The following OPCML variants were observed in gnomAD, a reference collection of about 807,000 sequenced individuals.
OPCML encodes opioid-binding protein/cell adhesion molecule.
In OPCML, 13 loss-of-function variants were observed where a neutral mutation model predicts 37.8. The observed-to-expected ratio is 0.34, with a 90% CI of 0.22 to 0.55. The LOEUF (loss-of-function observed/expected upper bound fraction) is 0.55, where lower values mean the gene tolerates loss of function less well. Ranked by LOEUF, OPCML falls within the 20% of genes least tolerant of loss-of-function variation. The pLI is 0.91. For missense variants in OPCML, 341 were observed against 435.6 expected (o/e 0.78, Z 1.93); for synonymous variants, 176 against 168.8 (o/e 1.04, Z -0.33).
intron 2 of OPCML, among the ~76,000 whole-genome samples, chr11:132,904,948 AC>A (rs1399395064): frequency 2.6e-5 from 4 of 152,220 alleles, no homozygotes; most frequent in African/African-American, 9.7e-5. Context: ...CAGAGACCCC[AC>A]AGAGTTGCAG....
chr11:132,450,433 G>A (rs111875595), intron 4 of OPCML, among the ~76,000 whole-genome samples: 3 of 152,208 alleles, frequency 2.0e-5, no homozygotes, highest in African/African-American at 7.2e-5. Flanking sequence ...CATATGGGGC[G>A]GGTGCTGGAG....
intron 3 of OPCML, among the ~76,000 whole-genome samples, chr11:132,579,689 A>G (rs765282058): frequency 1.3e-5 from 2 of 152,144 alleles, no homozygotes; most frequent in Non-Finnish European, 2.9e-5. Context: ...ACAGTGGCAC[A>G]TGGGGACAAG....
Position 132,552,411 on chromosome 11 carries a change from C to G in OPCML, c.380-23225G>C, listed in dbSNP as rs1309433337. ...GATCCCTCTTTCCTTCTCCAGTGTT[C>G]CCCATATTTATCTGTAGGTTGGTAC... On this transcript the variant is annotated intron_variant, in intron 3 of 7. Coordinates refer to ENST00000524381, the MANE Select transcript of OPCML (RefSeq NM_001012393.5). Among the ~76,000 whole-genome samples the G allele has an allele frequency of 2.6e-5, 4 of 152,256 alleles. No individual in the cohort carries two copies. In the East Asian group the frequency reaches 7.7e-4, roughly 29 times the overall value.
At chr11:133,051,647 G>A (rs768533489) in intron 1 of OPCML, among the ~76,000 whole-genome samples, 2 of 152,092 alleles carry the variant, frequency 1.3e-5, no homozygotes, top group Non-Finnish European at 2.9e-5. Context: ...GCATCATGTC[G>A]ACATAGGACA....
chr11:132,887,829 T>C (rs1240328539), intron 2 of OPCML, among the ~76,000 whole-genome samples: 7 of 152,230 alleles, frequency 4.6e-5, no homozygotes, highest in African/African-American at 1.7e-4. Flanking sequence ...CTACTACGCT[T>C]AGCTTTCTAT....
At position 133,174,104 on chromosome 11, in the gene OPCML, G is replaced by A. The variant is rs990921707; in HGVS notation, c.62-231094C>T. 1.3e-5 allele frequency among the ~76,000 whole-genome samples: 2 copies of A among 152,234 alleles called. No homozygotes were observed. Among genetic ancestry groups the A allele is most frequent in the Non-Finnish European group, 2.9e-5 (2 of 68,036 alleles). On this transcript the variant is annotated intron_variant, in intron 1 of 7. Coordinates refer to ENST00000524381, the MANE Select transcript of OPCML (RefSeq NM_001012393.5). This position sits in a 1 kb window ranked among gnomAD's most constrained non-coding sequence, Gnocchi z 4.6. Reference sequence around the variant, plus strand: ...GAGATGCCTCGTTTGATTAATTTATGTCAGCGTTTTCTGTGTTGTCAGGCT... The same window carrying A: ...GAGATGCCTCGTTTGATTAATTTATATCAGCGTTTTCTGTGTTGTCAGGCT...
chr11:132,762,492 T>A (rs1168237123), intron 2 of OPCML, among the ~76,000 whole-genome samples: 2 of 152,234 alleles, frequency 1.3e-5, no homozygotes, highest in Admixed American at 6.5e-5. Flanking sequence ...GCTGCCTTTC[T>A]TTCAGAAATG....
At chr11:133,367,320 G>A (rs957181515) in intron 1 of OPCML, among the ~76,000 whole-genome samples, 1 of 152,124 alleles carries the variant, frequency 6.6e-6, no homozygotes, top group Non-Finnish European at 1.5e-5. Context: ...AGACATGGCT[G>A]CATGTTACTC....
At chr11:133,059,280 T>C (rs1163921400) in intron 1 of OPCML, among the ~76,000 whole-genome samples, 3 of 152,236 alleles carry the variant, frequency 2.0e-5, no homozygotes, top group Non-Finnish European at 4.4e-5. Context: ...TCAAAGGATC[T>C]GCGGATTCTT....
At chr11:133,465,982 G>C (rs187709439) in intron 1 of OPCML, among the ~76,000 whole-genome samples, 194 of 152,290 alleles carry the variant, frequency 1.3e-3, no homozygotes, top group African/African-American at 4.5e-3. Flanking sequence ...TAGCTACAAT[G>C]CCTTACAAAA....
At chr11:133,484,067 T>C (rs1565660021) in intron 1 of OPCML, among the ~76,000 whole-genome samples, 3 of 149,944 alleles carry the variant, frequency 2.0e-5, no homozygotes, top group African/African-American at 7.5e-5. Flanking sequence ...GATAGATAGA[T>C]AGATAGATAG....
chr11:133,013,937 C>T (rs1475257114), intron 1 of OPCML, among the ~76,000 whole-genome samples: 1 of 152,178 alleles, frequency 6.6e-6, no homozygotes, highest in African/African-American at 2.4e-5. Context: ...GCTCTGTGCC[C>T]TGCCTCTATT....
intron 1 of OPCML, among the ~76,000 whole-genome samples, chr11:133,246,072 C>T (rs567658314): frequency 6.6e-6 from 1 of 151,946 alleles, no homozygotes; most frequent in African/African-American, 2.4e-5. Flanking sequence ...CACATGTATA[C>T]CTATGTAAAA....
At chr11:133,204,106 C>CT (rs1399776854) in intron 1 of OPCML, among the ~76,000 whole-genome samples, 2 of 144,510 alleles carry the variant, frequency 1.4e-5, no homozygotes, top group African/African-American at 5.1e-5. Context: ...GACAAGGGAC[C>CT]TTTTTTGTCT....
At chr11:132,429,563 G>T (rs1003903492) in intron 7 of OPCML, among the ~76,000 whole-genome samples, 2 of 152,166 alleles carry the variant, frequency 1.3e-5, no homozygotes, top group African/African-American at 4.8e-5. Context: ...CAGCGGAGAA[G>T]GGCTGCCTTT....
chr11:132,824,223 C>A (rs1413967903), intron 2 of OPCML, among the ~76,000 whole-genome samples: 1 of 152,224 alleles, frequency 6.6e-6, no homozygotes, highest in Non-Finnish European at 1.5e-5. Context: ...GGCTTTCTTT[C>A]TCTCACTGAA....
chr11:132,880,799 G>C (rs1943197136), intron 2 of OPCML, among the ~76,000 whole-genome samples: 1 of 152,142 alleles, frequency 6.6e-6, no homozygotes, highest in Admixed American at 6.5e-5. Context: ...TCAAGTAATT[G>C]TACATAATTT....
intron 1 of OPCML, among the ~76,000 whole-genome samples, chr11:133,373,368 G>T (rs1445208693): frequency 6.7e-6 from 1 of 149,498 alleles, no homozygotes; most frequent in East Asian, 2.0e-4. Context: ...TTTGAGACCA[G>T]CCTGGGCAAT....
intron 3 of OPCML, among the ~76,000 whole-genome samples, chr11:132,529,552 G>C (rs536706174): frequency 2.6e-5 from 4 of 152,184 alleles, no homozygotes; most frequent in Admixed American, 2.6e-4. Flanking sequence ...AGTGGCATAA[G>C]CTGATAACCA....
Sources: gnomAD v4.1 joint callset for allele counts (sites outside exome capture counted in the v4.1 genomes callset) on GRCh38, gnomAD v4.1.1 for gene constraint, Gnocchi (gnomAD v3.1) non-coding constraint, MANE v1.5 for transcripts, NCBI Gene and HGNC (gene_info 2026-07-23, HGNC 2026-07-21) for gene names.